PCDHGA11: variants seen among roughly 807,000 people sequenced by gnomAD.
The protein encoded by PCDHGA11 is protocadherin gamma subfamily A, 11, also known as protocadherin gamma-A11.
A neutral mutation model predicts 60.4 loss-of-function variants in PCDHGA11; 39 were observed. The observed-to-expected ratio is 0.65, with a 90% confidence interval of 0.50 to 0.84. PCDHGA11 has a LOEUF of 0.84. Ranked by LOEUF, PCDHGA11 falls within the 40% of genes least tolerant of loss-of-function variation. The pLI, the probability that PCDHGA11 is intolerant of heterozygous loss-of-function variation, is 0.00. For missense variants in PCDHGA11, 1,165 were observed against 1,197.7 expected, an observed-to-expected ratio of 0.97 and a Z score of 0.40; for synonymous variants, 533 against 510.3, an observed-to-expected ratio of 1.04 and a Z score of -0.60.
rs751320023 is a variant in PCDHGA11 at position 141,431,263 on chromosome 5, G to T, written c.2433+7603G>T. 6 of 1,614,060 alleles carry T rather than the reference G, an allele frequency of 3.7e-6. No homozygotes were observed. In the East Asian group the frequency reaches 1.3e-4, roughly 36 times the overall value. ...CGGATATCGGGAAGAACTCTCTGCA[G>T]AGCTACGAGCTCAGCCCGAACACTC... On this transcript the variant is annotated intron_variant, in intron 1 of 3. Transcript: ENST00000398587. The surrounding 1 kb of genome is among the most constrained non-coding windows in gnomAD (Gnocchi z 4.8).
At chr5:141,479,023 GT>G (rs1436478867) in intron 1 of PCDHGA11, among the ~76,000 whole-genome samples, 1 of 152,056 alleles carries the variant, frequency 6.6e-6, no homozygotes, top group Non-Finnish European at 1.5e-5. Context: ...ATTTTCCTTT[GT>G]TTATACAGAT....
chr5:141,463,938 T>A (rs1378018670), intron 1 of PCDHGA11, among the ~76,000 whole-genome samples: 3 of 152,168 alleles, frequency 2.0e-5, no homozygotes, highest in Non-Finnish European at 4.4e-5. Context: ...TATAAATTTA[T>A]AGAAATCTTC....
chr5:141,500,187 TATTTA>T (rs1467273493), intron 2 of PCDHGA11, among the ~76,000 whole-genome samples: 2 of 110,668 alleles, frequency 1.8e-5, no homozygotes, highest in Non-Finnish European at 3.6e-5. Flanking sequence ...TTTTTATTTT[TATTTA>T]TTTATTTATT....
chr5:141,488,915 G>A (rs942297924), intron 1 of PCDHGA11, among the ~76,000 whole-genome samples: 12 of 152,180 alleles, frequency 7.9e-5, no homozygotes, highest in Non-Finnish European at 2.9e-5. Flanking sequence ...TGTTCCCAAG[G>A]TTTCCAGGAT....
intron 1 of PCDHGA11, among the ~76,000 whole-genome samples, chr5:141,448,451 C>T (rs1261733103): frequency 6.6e-6 from 1 of 152,032 alleles, no homozygotes; most frequent in Admixed American, 6.6e-5. Context: ...GACTTCCATC[C>T]CTATCCTACT....
chr5:141,443,947 T>C (rs2098410978), intron 1 of PCDHGA11, among the ~76,000 whole-genome samples: 1 of 152,082 alleles, frequency 6.6e-6, no homozygotes, highest in Non-Finnish European at 1.5e-5. Flanking sequence ...GGTTTCCTTA[T>C]TGGTATGTAT....
At position 141,487,425 on chromosome 5, in the gene PCDHGA11, G is replaced by A. The variant is rs116499036; in HGVS notation, c.2434-7382G>A. ...CTTCCCCCTTCCAATGGGATCCTCCGAATCCAGCTAGGGTCAGATGACCCT... is the reference window on the plus strand; with the variant it reads ...CTTCCCCCTTCCAATGGGATCCTCCAAATCCAGCTAGGGTCAGATGACCCT... On this transcript the variant is annotated intron_variant, in intron 1 of 3. Coordinates refer to ENST00000398587, the MANE Select transcript of PCDHGA11 (RefSeq NM_018914.3). This position sits in a 1 kb window ranked among gnomAD's most constrained non-coding sequence, Gnocchi z 5.0. The A allele has an allele frequency of 1.1e-5, 17 of 1,613,988 alleles. No individual in the cohort carries two copies. The highest frequency in any genetic ancestry group is 1.6e-4 in the Middle Eastern group (1 of 6,084).
Position 141,431,910 on chromosome 5 carries a change from G to A in PCDHGA11, c.2433+8250G>A. The A allele has an allele frequency of 6.2e-7, 1 of 1,614,096 alleles. No individual in the cohort carries two copies. Among genetic ancestry groups the A allele is most frequent in the Non-Finnish European group, 8.5e-7 (1 of 1,179,934 alleles). On this transcript the variant is annotated intron_variant, in intron 1 of 3. Transcript: ENST00000398587. This position sits in a 1 kb window ranked among gnomAD's most constrained non-coding sequence, Gnocchi z 4.8. ...TCTGAGGAAAACGGACAGGTGATCTGTTTCATCCAAGGAAATCTGCCCTTT... is the reference window on the plus strand; with the variant it reads ...TCTGAGGAAAACGGACAGGTGATCTATTTCATCCAAGGAAATCTGCCCTTT...
At chr5:141,449,933 G>A (rs1012332454) in intron 1 of PCDHGA11, among the ~76,000 whole-genome samples, 1 of 149,752 alleles carries the variant, frequency 6.7e-6, no homozygotes, top group African/African-American at 2.5e-5. Flanking sequence ...ATACCTTATA[G>A]TATATTTTAC....
chr5:141,511,823 GC>G lies in PCDHGA11; in HGVS notation c.*653del, dbSNP rs2099883963. On this transcript the variant is annotated 3_prime_UTR_variant, in exon 4 of 4. Coordinates refer to ENST00000398587, the MANE Select transcript of PCDHGA11 (RefSeq NM_018914.3). The stretch of plus-strand genomic sequence containing the variant: ...TTTTGCTACCAAGCCTCTTCCCAAC[GC>G]CCTGGGGACCAGTCTTCTGTTTTGT... The G allele has an allele frequency of 6.4e-6, 1 of 156,728 alleles. No individual in the cohort carries two copies. The highest frequency in any genetic ancestry group is 1.9e-4 in the South Asian group (1 of 5,164). 9.7% of individuals were successfully genotyped at this position (156,728 alleles called of 1,614,324 possible).
At chr5:141,424,712 G>A (rs2096836283) in intron 1 of PCDHGA11, 1 of 152,126 alleles carries the variant, frequency 6.6e-6, no homozygotes, top group Non-Finnish European at 1.5e-5. Context: ...CATTTTCAGT[G>A]TAGTTGGGAG....
rs199507728 is a variant in PCDHGA11, at chr5:141,422,807, G to A, written c.1580G>A (p.Arg527Gln). The change falls in exon 1 of 4, where the codon CGA becomes CAA. Residue 527 changes from arginine to glutamine, a missense_variant. Physicochemically the swap from Arg to Gln is conservative, Grantham distance 43 (BLOSUM62 1). Coordinates refer to ENST00000398587, the MANE Select transcript of PCDHGA11 (RefSeq NM_018914.3). Reference protein sequence around the residue: ...ALQSFDYEQFRDLELRVIARD... With the variant: ...ALQSFDYEQFQDLELRVIARD... ...CAATCCTTCGACTATGAGCAGTTTC[G>A]AGACTTAGAACTGAGAGTGATAGCA... 1.9e-3 allele frequency: 3,146 copies of A among 1,614,198 alleles called. 36 individuals are homozygous for A. The highest frequency in any genetic ancestry group is 0.018 in the South Asian group (1,680 of 91,084).
At chr5:141,480,702 C>T (rs1455955207) in intron 1 of PCDHGA11, among the ~76,000 whole-genome samples, 1 of 152,170 alleles carries the variant, frequency 6.6e-6, no homozygotes, top group African/African-American at 2.4e-5. Context: ...AGGCCACACC[C>T]CGACAAATGA....
At chr5:141,426,764 T>C (rs1285434687) in intron 1 of PCDHGA11, 5 of 456,638 alleles carry the variant, frequency 1.1e-5, no homozygotes, top group Non-Finnish European at 2.2e-5. Flanking sequence ...TAGATGCAGA[T>C]GTAGGGCCTC....
intron 1 of PCDHGA11, among the ~76,000 whole-genome samples, chr5:141,453,258 T>A (rs1336801456): frequency 1.6e-4 from 25 of 152,096 alleles, no homozygotes; most frequent in Admixed American, 1.6e-3. Flanking sequence ...GGGCTGCAAG[T>A]GCACACCACC....
At chr5:141,428,727 A>G (rs1348450181) in intron 1 of PCDHGA11, 1 of 160,588 alleles carries the variant, frequency 6.2e-6, no homozygotes, top group Non-Finnish European at 1.4e-5. Context: ...AAAATCTTAA[A>G]CATATTATAT....
At position 141,422,878 on chromosome 5, in the gene PCDHGA11, C is replaced by T; in HGVS notation, c.1651C>T (p.Leu551=). The T allele has an allele frequency of 6.2e-7, 1 of 1,614,264 alleles. No individual in the cohort carries two copies. Among genetic ancestry groups the T allele is most frequent in the African/African-American group, 1.3e-5 (1 of 75,076 alleles). ...PPLSSNVSLS[L]FVLDQNDNAP... Reference sequence around the variant, plus strand: ...CCTCAGCAGCAACGTGTCGCTGAGCCTGTTCGTGCTGGACCAGAACGACAA... The same window carrying T: ...CCTCAGCAGCAACGTGTCGCTGAGCTTGTTCGTGCTGGACCAGAACGACAA... Residue 551 remains leucine, a synonymous_variant, in exon 1 of 4, where the codon CTG becomes TTG. Transcript: ENST00000398587.
At position 141,422,696 on chromosome 5, in the gene PCDHGA11, ACT is replaced by A; in HGVS notation, c.1474_1475del (p.Leu492AspfsTer3). 6.2e-7 allele frequency: 1 copy of A among 1,602,756 alleles called. No individual in the cohort carries two copies. Among genetic ancestry groups the A allele is most frequent in the Non-Finnish European group, 8.5e-7 (1 of 1,174,102 alleles). ...AGCAAACAGAATGCCCTGGTCACTTACTCTCTGACGGATGACACTGTCCAGGG... is the reference window on the plus strand; with the variant it reads ...AGCAAACAGAATGCCCTGGTCACTTACTCTGACGGATGACACTGTCCAGGG... On this transcript the variant is annotated frameshift_variant, in exon 1 of 4. Transcript: ENST00000398587. LOFTEE classifies it high-confidence loss of function.
At position 141,421,617 on chromosome 5, in the gene PCDHGA11, C is replaced by T; in HGVS notation, c.390C>T (p.Asn130=). ...TGGAAATAATAGATATTAATGATAA[C>T]GCCCCCAGCTTCCAGGAGGACGAAG... ...VEVEIIDIND[N]APSFQEDEVE... The change falls in exon 1 of 4, where the codon AAC becomes AAT. Residue 130 remains asparagine, a synonymous_variant. Coordinates refer to ENST00000398587, the MANE Select transcript of PCDHGA11 (RefSeq NM_018914.3). The T allele has an allele frequency of 1.9e-6, 3 of 1,613,768 alleles. No homozygotes were observed. The highest frequency in any genetic ancestry group is 1.3e-5 in the African/African-American group (1 of 75,054).
Sources: gnomAD v4.1 joint callset for allele counts (sites outside exome capture counted in the v4.1 genomes callset) on GRCh38, gnomAD v4.1.1 for gene constraint, Gnocchi (gnomAD v3.1) non-coding constraint, MANE v1.5 for transcripts, NCBI Gene and HGNC (gene_info 2026-07-23, HGNC 2026-07-21) for gene names.